Variants in FUCA1 observed in about 807,000 individuals in gnomAD.
FUCA1 encodes the protein alpha-L-fucosidase 1.
Under a neutral mutation model 56.8 loss-of-function variants are expected in FUCA1, and 52 were observed. The ratio of observed to expected loss-of-function variants is 0.92; its 90% CI spans 0.73 to 1.15. FUCA1 has a LOEUF of 1.15. Ranked by LOEUF, FUCA1 falls within the 50% of genes most tolerant of loss-of-function variation. The probability of loss-of-function intolerance (pLI) is 0.00; values close to 1 mark genes in which losing one functional copy is unlikely to be tolerated. For missense variants in FUCA1, 568 were observed against 592.6 expected, an observed-to-expected ratio of 0.96 and a Z score of 0.43; for synonymous variants, 230 against 226.6, an observed-to-expected ratio of 1.02 and a Z score of -0.14.
intron 5 of FUCA1, 43 bp from the exon 6 acceptor site, chr1:23,848,882 A>G: frequency 1.3e-6 from 2 of 1,507,174 alleles, no homozygotes; most frequent in Non-Finnish European, 1.8e-6. Context: ...ATGAATGCCA[A>G]GCCTGGCATC....
Position 23,867,650 on chromosome 1 carries a change from A to G in FUCA1, c.389+248T>C. ...GCCTAACTCAGCCCTCTCGGTGCACAGGTGCAGATACCCAGGGCTTCCCAG... is the reference window on the plus strand; with the variant it reads ...GCCTAACTCAGCCCTCTCGGTGCACGGGTGCAGATACCCAGGGCTTCCCAG... On this transcript the variant is annotated intron_variant, in intron 1 of 7. Transcript: ENST00000374479. The surrounding 1 kb of genome is among the most constrained non-coding windows in gnomAD (Gnocchi z 4.9). 1 of 872,612 alleles carries G rather than the reference A, an allele frequency of 1.1e-6. No individual in the cohort carries two copies. The highest frequency in any genetic ancestry group is 1.8e-5 in the African/African-American group (1 of 55,088). The allele number at this position is 872,612 out of a possible 1,614,324, so 54.1% of individuals were successfully genotyped here.
intron 5 of FUCA1, among the ~76,000 whole-genome samples, chr1:23,849,560 A>G (rs185905414): frequency 2.5e-4 from 38 of 149,930 alleles, no homozygotes; most frequent in Admixed American, 2.5e-3. Context: ...GAAAACTGCT[A>G]TAAAGAGATA....
rs1639662909 is a variant in FUCA1 at position 23,868,070 on chromosome 1, C to A, written c.217G>T (p.Gly73Cys). The A allele has an allele frequency of 6.2e-7, 1 of 1,611,656 alleles. No individual in the cohort carries two copies. Among genetic ancestry groups the A allele is most frequent in the Non-Finnish European group, 8.5e-7 (1 of 1,179,508 alleles). Residue 73 changes from glycine to cysteine, a missense_variant, in exon 1 of 8, where the codon GGC (glycine) becomes TGC (cysteine). Coordinates refer to ENST00000374479, the MANE Select transcript of FUCA1 (RefSeq NM_000147.5). ...HWGVFSVPAW[G>C]SEWFWWHWQG... The stretch of plus-strand genomic sequence containing the variant: ...CAGTGCCACCAGAACCACTCGCTGC[C>A]CCAGGCGGGCACCGAGAACACGCCC...
chr1:23,848,688 G>C lies in FUCA1; in HGVS notation c.1121C>G (p.Pro374Arg), dbSNP rs754405055. 1 of 1,614,140 alleles carries C rather than the reference G, an allele frequency of 6.2e-7. No homozygotes were observed. Among genetic ancestry groups the C allele is most frequent in the Non-Finnish European group, 8.5e-7 (1 of 1,180,016 alleles). ...INGEAIYASKPWRVQWEKNTT... is the reference protein window; with the variant it reads ...INGEAIYASKRWRVQWEKNTT... ...GTTCTTTTCCCATTGCACCCGCCAT[G>C]GTTTGGAGGCATAGATAGCCTCCCC... Residue 374 changes from proline (P) to arginine (R), a missense_variant, in exon 6 of 8, where the codon CCA (proline) becomes CGA (arginine). Physicochemically the swap from Pro to Arg is moderately radical, Grantham distance 103. Transcript: ENST00000374479.
chr1:23,846,325 G>A (rs576486786), intron 6 of FUCA1, 152 bp from the exon 7 acceptor site: 31 of 648,240 alleles, frequency 4.8e-5, no homozygotes, highest in African/African-American at 3.2e-4. Flanking sequence ...AGGCTGGAGT[G>A]CAATGGTGTG....
chr1:23,849,274 C>A (rs1334916281), intron 5 of FUCA1, among the ~76,000 whole-genome samples: 7 of 152,166 alleles, frequency 4.6e-5, no homozygotes, highest in Non-Finnish European at 1.0e-4. Flanking sequence ...GCATGAGTCA[C>A]CGCACCTGAG....
intron 4 of FUCA1, among the ~76,000 whole-genome samples, chr1:23,859,590 C>G (rs1639465153): frequency 6.6e-6 from 1 of 150,922 alleles, no homozygotes; most frequent in African/African-American, 2.4e-5. Flanking sequence ...AAAAACAACA[C>G]TAAAGGAGAA....
At chr1:23,848,577 T>G in intron 6 of FUCA1, 72 bp downstream of exon 6, 1 of 1,434,552 alleles carries the variant, frequency 7.0e-7, no homozygotes, top group Non-Finnish European at 9.8e-7. Flanking sequence ...TGTGACATTG[T>G]GGACCCAAGG....
At chr1:23,859,970 A>AT (rs370615681) in intron 3 of FUCA1, 67 bp from the exon 4 acceptor site, 26,687 of 823,874 alleles carry the variant, frequency 0.032, no homozygotes, top group East Asian at 0.043. Context: ...CTTATGGACC[A>AT]TTTTTTTTTT....
intron 1 of FUCA1, 28 bp from the exon 2 acceptor site, chr1:23,865,653 AG>A (rs1427783144): frequency 4.3e-6 from 7 of 1,614,222 alleles, no homozygotes; most frequent in Non-Finnish European, 5.9e-6. Context: ...ACATGAGCAA[AG>A]GAAGTGGGCA....
intron 4 of FUCA1, among the ~76,000 whole-genome samples, chr1:23,858,283 G>A (rs1639435980): frequency 6.6e-6 from 1 of 151,838 alleles, no homozygotes; most frequent in African/African-American, 2.4e-5. Flanking sequence ...TAGCCAGGAT[G>A]GTCTCGATCT....
chr1:23,858,941 C>T (rs1639450917), intron 4 of FUCA1, among the ~76,000 whole-genome samples: 1 of 151,942 alleles, frequency 6.6e-6, no homozygotes, highest in East Asian at 1.9e-4. Context: ...CGTGCCACCA[C>T]ACCCAGCTAA....
chr1:23,864,414 A>G (rs1387357878), intron 2 of FUCA1, among the ~76,000 whole-genome samples: 2 of 151,996 alleles, frequency 1.3e-5, no homozygotes, highest in Non-Finnish European at 2.9e-5. Flanking sequence ...ACGTACACAA[A>G]ATGAAATGTG....
At chr1:23,858,476 A>G (rs1452112399) in intron 4 of FUCA1, among the ~76,000 whole-genome samples, 1 of 152,210 alleles carries the variant, frequency 6.6e-6, no homozygotes, top group Non-Finnish European at 1.5e-5. Flanking sequence ...ACAATCGTGA[A>G]ATTTGCTACA....
At position 23,868,279 on chromosome 1, in the gene FUCA1, G is replaced by A. The variant is rs769555043; in HGVS notation, c.8C>T (p.Ala3Val). The change falls in exon 1 of 8, where the codon GCT (alanine) becomes GTT (valine). Residue 3 changes from alanine (A) to valine (V), a missense_variant. Physicochemically the swap from Ala to Val is moderately conservative, Grantham distance 64 (BLOSUM62 0). Coordinates refer to ENST00000374479, the MANE Select transcript of FUCA1 (RefSeq NM_000147.5). The part of the protein sequence containing the change: MR[A>V]PGMRSRPAGP... ...CGCCGGCCGCGACCTCATCCCCGGAGCCCGCATCGCTACCCCTCAGCGACG... is the reference window on the plus strand; with the variant it reads ...CGCCGGCCGCGACCTCATCCCCGGAACCCGCATCGCTACCCCTCAGCGACG... 5.8e-6 allele frequency: 9 copies of A among 1,549,906 alleles called. No homozygotes were observed. In the South Asian group the frequency reaches 9.4e-5, roughly 16 times the overall value.
Position 23,848,658 on chromosome 1 carries a change from G to A in FUCA1, c.1151C>T (p.Thr384Ile). 3 of 1,614,142 alleles carry A rather than the reference G, an allele frequency of 1.9e-6. No homozygotes were observed. Among genetic ancestry groups the A allele is most frequent in the Non-Finnish European group, 2.5e-6 (3 of 1,180,000 alleles). ...AGAAGACAAGACTCACCATACAGAT[G>A]TTGTGTTCTTTTCCCATTGCACCCG... ...PWRVQWEKNT[T>I]SVWYTSKGSA... The change falls in exon 6 of 8, where the codon ACA becomes ATA. Residue 384 changes from threonine (T) to isoleucine (I), a missense_variant. Transcript: ENST00000374479.
chr1:23,861,649 A>C (rs1639515236), intron 3 of FUCA1, among the ~76,000 whole-genome samples: 2 of 152,214 alleles, frequency 1.3e-5, no homozygotes, highest in Admixed American at 6.5e-5. Flanking sequence ...TCTGAGCCCT[A>C]TAAGGCATGT....
chr1:23,866,320 TAAC>T (rs760181945), intron 1 of FUCA1, among the ~76,000 whole-genome samples: 1 of 152,130 alleles, frequency 6.6e-6, no homozygotes, highest in East Asian at 1.9e-4. Context: ...AAAACAACAA[TAAC>T]AACAAAATAG....
rs190009315 is a variant in FUCA1, at chr1:23,853,233, C to T, written c.969+1127G>A. ...CCATCTGAGAAGTGAGGAAACCCTC[C>T]GCCTGGCAACCGCCCCATATGAGAA... On this transcript the variant is annotated intron_variant, in intron 5 of 7. Transcript: ENST00000374479. Among the ~76,000 whole-genome samples, 736 of 149,968 alleles carry T rather than the reference C, an allele frequency of 4.9e-3. 7 individuals carry two copies. The highest frequency in any genetic ancestry group is 0.016 in the African/African-American group (631 of 40,678).
Sources: allele counts gnomAD v4.1 joint callset (sites outside exome capture counted in the v4.1 genomes callset), GRCh38; gene constraint gnomAD v4.1.1; non-coding constraint Gnocchi (gnomAD v3.1); transcripts MANE v1.5; gene names NCBI Gene and HGNC (gene_info 2026-07-23, HGNC 2026-07-21).